The following ST18 variants were observed in gnomAD, a reference collection of about 807,000 sequenced individuals.
ST18 encodes the protein suppression of tumorigenicity 18 protein.
ST18 carries 50 observed loss-of-function variants against 110.0 expected under a neutral mutation model. The observed-to-expected ratio is 0.45, with a 90% confidence interval of 0.36 to 0.58. ST18 has a LOEUF of 0.58. Ranked by LOEUF, ST18 falls within the 20% of genes least tolerant of loss-of-function variation. The pLI is 0.00. For synonymous variants in ST18, 461 were observed against 452.4 expected, an observed-to-expected ratio of 1.02 and a Z score of -0.24; for missense variants, 1,306 against 1,280.1, an observed-to-expected ratio of 1.02 and a Z score of -0.31.
intron 2 of ST18, among the ~76,000 whole-genome samples, chr8:52,293,637 T>C (rs1330218382): frequency 6.6e-6 from 1 of 152,208 alleles, no homozygotes; most frequent in Admixed American, 6.5e-5. Flanking sequence ...CATATAATTT[T>C]TTTATGTTTT....
At chr8:52,292,800 TTGG>T (rs955128126) in intron 2 of ST18, among the ~76,000 whole-genome samples, 6 of 152,220 alleles carry the variant, frequency 3.9e-5, no homozygotes, top group Admixed American at 2.0e-4. Context: ...ACACAAAGCC[TTGG>T]TTTTGTAATA....
chr8:52,202,814 A>C (rs898825186), intron 8 of ST18, among the ~76,000 whole-genome samples: 6 of 152,242 alleles, frequency 3.9e-5, no homozygotes, highest in Non-Finnish European at 7.3e-5. Flanking sequence ...ATTTTCTCAG[A>C]AAATAGGATG....
At chr8:52,255,072 T>C (rs1446132692) in intron 2 of ST18, among the ~76,000 whole-genome samples, 1 of 152,070 alleles carries the variant, frequency 6.6e-6, no homozygotes, top group Non-Finnish European at 1.5e-5. Context: ...GAGGCCCCAC[T>C]TCACAAACAC....
Position 52,161,561 on chromosome 8 carries a change from A to G in ST18, c.1408T>C (p.Leu470=), listed in dbSNP as rs983623398. Residue 470 remains leucine, a synonymous_variant, in exon 14 of 26, where the codon TTG becomes CTG. Coordinates refer to ENST00000689386, the MANE Select transcript of ST18 (RefSeq NM_001352837.2). The part of the protein sequence containing the change: ...QCPDQAHRTS[L]VKQIEFNFPS... Reference sequence around the variant, plus strand: ...AAATTGAATTCAATTTGCTTCACCAAACTTGTCCTGGAGAGGGGGGTGAAG... The same window carrying G: ...AAATTGAATTCAATTTGCTTCACCAGACTTGTCCTGGAGAGGGGGGTGAAG... 6.2e-7 allele frequency: 1 copy of G among 1,614,040 alleles called. No individual in the cohort carries two copies. The highest frequency in any genetic ancestry group is 1.7e-5 in the Admixed American group (1 of 59,990).
At chr8:52,235,527 G>C (rs1421400680) in intron 2 of ST18, among the ~76,000 whole-genome samples, 1 of 152,184 alleles carries the variant, frequency 6.6e-6, no homozygotes, top group Admixed American at 6.5e-5. Context: ...TGATGCCCCT[G>C]ACCCTGTGAT....
chr8:52,299,787 T>C (rs1445300334), intron 2 of ST18, among the ~76,000 whole-genome samples: 3 of 152,224 alleles, frequency 2.0e-5, no homozygotes, highest in Non-Finnish European at 1.5e-5. Context: ...CAAAAGTGGG[T>C]GTAAGCTTCA....
At chr8:52,395,571 A>T (rs115590498) in intron 2 of ST18, among the ~76,000 whole-genome samples, 238 of 152,332 alleles carry the variant, frequency 1.6e-3, no homozygotes, top group African/African-American at 5.6e-3. Context: ...TTCCACGGTT[A>T]GAGAGAGGCC....
intron 2 of ST18, among the ~76,000 whole-genome samples, chr8:52,252,664 A>C (rs923318548): frequency 6.6e-6 from 1 of 152,026 alleles, no homozygotes; most frequent in African/African-American, 2.4e-5. Context: ...TGCTCCTACC[A>C]TAACATAAAT....
At chr8:52,391,924 A>C (rs753431991) in intron 2 of ST18, among the ~76,000 whole-genome samples, 4 of 152,224 alleles carry the variant, frequency 2.6e-5, no homozygotes, top group Non-Finnish European at 4.4e-5. Flanking sequence ...CACTCCAAGT[A>C]GATGGAAGAG....
chr8:52,350,008 G>C (rs981325129), intron 2 of ST18, among the ~76,000 whole-genome samples: 1 of 152,050 alleles, frequency 6.6e-6, no homozygotes, highest in Admixed American at 6.6e-5. Context: ...GCAACTCCAC[G>C]CCCTTCCTCC....
chr8:52,169,252 C>T (rs1055155301), intron 10 of ST18, among the ~76,000 whole-genome samples: 1 of 152,090 alleles, frequency 6.6e-6, no homozygotes, highest in African/African-American at 2.4e-5. Context: ...CTTGGCTCTT[C>T]CTCTGTTTTC....
chr8:52,161,336 A>G (rs1182562845), intron 14 of ST18, 39 bp downstream of exon 14: 1 of 1,596,188 alleles, frequency 6.3e-7, no homozygotes, highest in Admixed American at 1.7e-5. Context: ...CATACACAAG[A>G]AGCATTTTGG....
At chr8:52,364,503 G>A (rs553277283) in intron 2 of ST18, among the ~76,000 whole-genome samples, 3 of 152,270 alleles carry the variant, frequency 2.0e-5, no homozygotes, top group East Asian at 3.9e-4. Context: ...TGCTAATTTT[G>A]TGCATATACA....
intron 2 of ST18, among the ~76,000 whole-genome samples, chr8:52,302,340 T>C (rs992508302): frequency 6.6e-6 from 1 of 152,042 alleles, no homozygotes; most frequent in Non-Finnish European, 1.5e-5. Flanking sequence ...TTTCAATAAG[T>C]ACATGGTTTT....
intron 2 of ST18, among the ~76,000 whole-genome samples, chr8:52,316,271 T>C (rs1367182715): frequency 6.6e-6 from 1 of 152,182 alleles, no homozygotes; most frequent in Non-Finnish European, 1.5e-5. Flanking sequence ...AGAGCAAATA[T>C]GACGAAGTAG....
intron 2 of ST18, among the ~76,000 whole-genome samples, chr8:52,361,959 G>T (rs1428884841): frequency 6.6e-6 from 1 of 151,778 alleles, no homozygotes; most frequent in Non-Finnish European, 1.5e-5. Flanking sequence ...TTTTCTACAG[G>T]TTTTGCTTCA....
chr8:52,323,807 G>A (rs1048086271), intron 2 of ST18, among the ~76,000 whole-genome samples: 8 of 152,106 alleles, frequency 5.3e-5, no homozygotes, highest in Non-Finnish European at 7.3e-5. Flanking sequence ...TTCAGTGCTC[G>A]CTCTTCTCAC....
chr8:52,240,357 A>G (rs1440338339), intron 2 of ST18, among the ~76,000 whole-genome samples: 4 of 152,170 alleles, frequency 2.6e-5, no homozygotes, highest in Non-Finnish European at 4.4e-5. Context: ...CACTGAGTCT[A>G]TGGAATTTTG....
intron 8 of ST18, among the ~76,000 whole-genome samples, chr8:52,202,343 G>A (rs953305854): frequency 6.6e-6 from 1 of 151,966 alleles, no homozygotes; most frequent in African/African-American, 2.4e-5. Context: ...GGCCTACACT[G>A]GTAAATAAAA....
Sources: gnomAD v4.1 joint callset for allele counts (sites outside exome capture counted in the v4.1 genomes callset) on GRCh38, gnomAD v4.1.1 for gene constraint, MANE v1.5 for transcripts, NCBI Gene and HGNC (gene_info 2026-07-23, HGNC 2026-07-21) for gene names.